USP8: variants seen among roughly 807,000 people sequenced by gnomAD.
The protein encoded by USP8 is ubiquitin specific peptidase 8.
Under a neutral mutation model 130.0 loss-of-function variants are expected in USP8, and 27 were observed. That is an observed-to-expected ratio of 0.21 (90% CI 0.15 to 0.29). USP8 has a LOEUF of 0.29. Ranked by LOEUF, USP8 falls within the 10% of genes least tolerant of loss-of-function variation. The pLI, the probability that USP8 is intolerant of heterozygous loss-of-function variation, is 1.00. For synonymous variants in USP8, 392 were observed against 444.1 expected (o/e 0.88, Z 1.48); for missense variants, 1,029 against 1,312.2 (o/e 0.78, Z 3.33).
chr15:50,495,577 C>T (rs989666923), intron 16 of USP8, among the ~76,000 whole-genome samples: 1 of 151,858 alleles, frequency 6.6e-6, no homozygotes, highest in African/African-American at 2.4e-5. Flanking sequence ...GCTGGGATTA[C>T]AAGCATGAAC....
intron 5 of USP8, among the ~76,000 whole-genome samples, chr15:50,461,918 G>A (rs1325871165): frequency 6.6e-6 from 1 of 151,866 alleles, no homozygotes; most frequent in Non-Finnish European, 1.5e-5. Flanking sequence ...CTTTAATTAT[G>A]TGGTGGAGGA....
rs974574258 is a variant in USP8, at chr15:50,508,190, A to T, written c.*9102A>T. On this transcript the variant is annotated 3_prime_UTR_variant, in exon 20 of 20. Coordinates refer to ENST00000307179, the MANE Select transcript of USP8 (RefSeq NM_005154.5). ...CAAAAAATCAATACTTTTGGAAATTAAAAAAACACTTCTAAGTAACTTTAT... is the reference window on the plus strand; with the variant it reads ...CAAAAAATCAATACTTTTGGAAATTTAAAAAACACTTCTAAGTAACTTTAT... The T allele has an allele frequency of 6.6e-6, 1 of 152,074 alleles. No homozygotes were observed. Among genetic ancestry groups the T allele is most frequent in the Admixed American group, 6.6e-5 (1 of 15,264 alleles). 9.4% of individuals were successfully genotyped at this position (152,074 alleles called of 1,614,324 possible). A position where few individuals can be genotyped will look rare whatever the true frequency, so the allele number is the denominator to read the frequency against.
chr15:50,440,280 T>G (rs1276805332), intron 2 of USP8, among the ~76,000 whole-genome samples: 1 of 152,248 alleles, frequency 6.6e-6, no homozygotes, highest in African/African-American at 2.4e-5. Flanking sequence ...TATTCCTTTC[T>G]AGTAATGTCT....
In USP8 at chr15:50,508,320, T is replaced by C. The variant is rs2052691795; in HGVS notation, c.*9232T>C. ...TGAGAATGTCTTAAAAATAATACGA[T>C]GCCAAGAAGAGAGTGGGTCAGTATT... On this transcript the variant is annotated 3_prime_UTR_variant, in exon 20 of 20. Coordinates refer to ENST00000307179, the MANE Select transcript of USP8 (RefSeq NM_005154.5). 1 of 152,148 alleles carries C rather than the reference T, an allele frequency of 6.6e-6. No homozygotes were observed. The highest frequency in any genetic ancestry group is 1.5e-5 in the Non-Finnish European group (1 of 68,030). 9.4% of individuals were successfully genotyped at this position (152,148 alleles called of 1,614,324 possible).
rs377596612 is a variant in USP8, at chr15:50,471,660, C to T, written c.714C>T (p.His238=). 5.6e-6 allele frequency: 9 copies of T among 1,613,354 alleles called. No homozygotes were observed. The African/African-American group carries it at 1.1e-4, about 19-fold the overall frequency. The change falls in exon 8 of 20, where the codon CAC becomes CAT. Residue 238 remains histidine (H), a synonymous_variant. Transcript: ENST00000307179. ...PGVTASWIEA[H]LPDDSKDTWK... ...TCACTGCTAGTTGGATTGAAGCACA[C>T]CTGCCAGATGATTCTAAAGACACAT... is the stretch of plus-strand genomic sequence containing the variant.
intron 7 of USP8, among the ~76,000 whole-genome samples, chr15:50,470,844 C>T (rs1287217687): frequency 5.3e-5 from 8 of 151,948 alleles, no homozygotes; most frequent in African/African-American, 1.7e-4. Context: ...GTGATCCACC[C>T]GCCTCAGCCT....
chr15:50,464,291 T>C (rs1472159691), intron 6 of USP8, among the ~76,000 whole-genome samples: 1 of 152,218 alleles, frequency 6.6e-6, no homozygotes, highest in Admixed American at 6.5e-5. Context: ...TCTAAGTTTT[T>C]CAAAAAGCTA....
rs2141337520 is a variant in USP8, at chr15:50,501,273, A to C, written c.*2185A>C. The C allele has an allele frequency of 6.5e-6, 1 of 153,592 alleles. No individual in the cohort carries two copies. The highest frequency in any genetic ancestry group is 1.9e-4 in the East Asian group (1 of 5,260). 9.5% of individuals were successfully genotyped at this position (153,592 alleles called of 1,614,324 possible). On this transcript the variant is annotated 3_prime_UTR_variant, in exon 20 of 20. Coordinates refer to ENST00000307179, the MANE Select transcript of USP8 (RefSeq NM_005154.5). ...CCAGGAGTTCAAGACCAGCCTGGGC[A>C]AAATAGCGAGACTCCATATCTTTTA...
Position 50,501,024 on chromosome 15 carries a change from C to T in USP8, c.*1936C>T. 3.6e-6 allele frequency: 2 copies of T among 551,950 alleles called. No homozygotes were observed. The highest frequency in any genetic ancestry group is 3.1e-5 in the East Asian group (1 of 32,692). 34.2% of individuals were successfully genotyped at this position (551,950 alleles called of 1,614,324 possible). On this transcript the variant is annotated 3_prime_UTR_variant, in exon 20 of 20. Coordinates refer to ENST00000307179, the MANE Select transcript of USP8 (RefSeq NM_005154.5). The stretch of plus-strand genomic sequence containing the variant: ...ATTGCTTCTCATTTCATTGTAACTA[C>T]TTATATGTTGTGCCCATTGACTATC...
At chr15:50,471,226 A>G (rs2051365558) in intron 7 of USP8, among the ~76,000 whole-genome samples, 1 of 152,232 alleles carries the variant, frequency 6.6e-6, no homozygotes, top group African/African-American at 2.4e-5. Flanking sequence ...ATCCTGGTAT[A>G]TGGTGGACTA....
Position 50,495,952 on chromosome 15 carries a change from T to TAA in USP8, c.2764_2765insAA (p.Ile922LysfsTer36). On this transcript the variant is annotated frameshift_variant, in exon 17 of 20. Transcript: ENST00000307179. LOFTEE classifies it high-confidence loss of function. Reference sequence around the variant, plus strand: ...AACACAAGCAGCTCAATGAGTCTATTATTGTTGCACTTTTTCAGGGTCAAT... The same window carrying TAA: ...AACACAAGCAGCTCAATGAGTCTATTAAATTGTTGCACTTTTTCAGGGTCAAT... The TAA allele has an allele frequency of 6.2e-7, 1 of 1,613,894 alleles. No homozygotes were observed. Among genetic ancestry groups the TAA allele is most frequent in the Middle Eastern group, 1.7e-4 (1 of 5,900 alleles).
rs542709964 is a variant in USP8 at position 50,508,069 on chromosome 15, C to CAAAAAA, written c.*9001_*9006dup. 1 of 66,724 alleles carries CAAAAAA rather than the reference C, an allele frequency of 1.5e-5. No individual in the cohort carries two copies. Among genetic ancestry groups the CAAAAAA allele is most frequent in the African/African-American group, 6.3e-5 (1 of 15,850 alleles). 4.1% of individuals were successfully genotyped at this position (66,724 alleles called of 1,614,324 possible). A position where few individuals can be genotyped will look rare whatever the true frequency, so the allele number is the denominator to read the frequency against. ...CGGGCGACAGTGCAAGACTCTGTCT[C>CAAAAAA]AAAAAAAAAAAAAAAAAAAAAAAAA... On this transcript the variant is annotated 3_prime_UTR_variant, in exon 20 of 20. Coordinates refer to ENST00000307179, the MANE Select transcript of USP8 (RefSeq NM_005154.5).
At chr15:50,425,420 A>G (rs186726188) in intron 1 of USP8, among the ~76,000 whole-genome samples, 1 of 152,224 alleles carries the variant, frequency 6.6e-6, no homozygotes, top group Non-Finnish European at 1.5e-5. Flanking sequence ...CGGCTTTGCT[A>G]TGTAAGCAGA....
chr15:50,474,865 T>G (rs941668346), intron 8 of USP8, among the ~76,000 whole-genome samples: 7 of 152,198 alleles, frequency 4.6e-5, no homozygotes, highest in African/African-American at 1.2e-4. Flanking sequence ...TCCCAGCACT[T>G]TGGGAGGCTG....
chr15:50,457,283 C>T (rs1302409318), intron 4 of USP8, among the ~76,000 whole-genome samples: 2 of 151,980 alleles, frequency 1.3e-5, no homozygotes, highest in Non-Finnish European at 1.5e-5. Context: ...AGACCAGGTG[C>T]GGTGGCTCAC....
intron 9 of USP8, 92 bp from the exon 10 acceptor site, chr15:50,477,184 C>T: frequency 7.6e-7 from 1 of 1,318,172 alleles, no homozygotes; most frequent in Non-Finnish European, 1.0e-6. Context: ...ACTTAGTTTA[C>T]ATTTAATTAC....
At chr15:50,482,423 A>G (rs571898529) in intron 11 of USP8, among the ~76,000 whole-genome samples, 23 of 152,364 alleles carry the variant, frequency 1.5e-4, no homozygotes, top group African/African-American at 5.5e-4. Flanking sequence ...CTAGATGCTA[A>G]TATTTGTATG....
intron 6 of USP8, among the ~76,000 whole-genome samples, chr15:50,462,768 T>C (rs2051051720): frequency 6.6e-6 from 1 of 152,166 alleles, no homozygotes; most frequent in Non-Finnish European, 1.5e-5. Context: ...ATAATAATAG[T>C]ACTTATTTCA....
chr15:50,477,267 G>T lies in USP8; in HGVS notation c.995-9G>T, dbSNP rs754217884. The stretch of plus-strand genomic sequence containing the variant: ...ATTCTAAAAAACATTTTTATTTTTG[G>T]AATTTTAGTGGATTTTACTTATCCC... On this transcript the variant is annotated splice_polypyrimidine_tract_variant and intron_variant, in intron 9 of 19. Coordinates refer to ENST00000307179, the MANE Select transcript of USP8 (RefSeq NM_005154.5). The T allele has an allele frequency of 1.0e-5, 16 of 1,602,740 alleles. 1 individual carries two copies. The South Asian group carries it at 1.8e-4, about 18-fold the overall frequency.
Sources: gnomAD v4.1 joint callset for allele counts (sites outside exome capture counted in the v4.1 genomes callset) on GRCh38, gnomAD v4.1.1 for gene constraint, MANE v1.5 for transcripts, NCBI Gene and HGNC (gene_info 2026-07-23, HGNC 2026-07-21) for gene names.